Variants in UBE2QL1 observed in about 807,000 individuals in gnomAD.
UBE2QL1 encodes ubiquitin conjugating enzyme E2 QL1, also known as ubiquitin-conjugating enzyme E2Q-like protein 1.
A neutral mutation model predicts 12.6 loss-of-function variants in UBE2QL1; 5 were observed. The ratio of observed to expected loss-of-function variants is 0.40; its 90% CI spans 0.21 to 0.83. UBE2QL1 has a LOEUF of 0.83. Among genes scored for constraint, UBE2QL1 ranks in the 40% least tolerant of loss-of-function variants. The probability of loss-of-function intolerance (pLI) is 0.37; values close to 1 mark genes in which losing one functional copy is unlikely to be tolerated. For missense variants in UBE2QL1, 99 were observed against 222.6 expected (o/e 0.44, Z 3.53); for synonymous variants, 96 against 94.5 (o/e 1.02, Z -0.10).
chr5:6,489,163 G>A (rs1734519277), intron 1 of UBE2QL1, among the ~76,000 whole-genome samples: 1 of 152,140 alleles, frequency 6.6e-6, no homozygotes, highest in South Asian at 2.1e-4. Flanking sequence ...CGTGGCACAT[G>A]CCTGTAATCC....
chr5:6,460,098 G>A (rs1739619760), intron 1 of UBE2QL1, among the ~76,000 whole-genome samples: 1 of 152,138 alleles, frequency 6.6e-6, no homozygotes, highest in Non-Finnish European at 1.5e-5. Flanking sequence ...TGTTATTGGT[G>A]GGTGGGGCTG....
At chr5:6,483,526 A>G (rs899624501) in intron 1 of UBE2QL1, among the ~76,000 whole-genome samples, 7 of 151,976 alleles carry the variant, frequency 4.6e-5, no homozygotes, top group African/African-American at 1.2e-4. Flanking sequence ...CCTGCATGTC[A>G]GCAGGGCGCA....
At chr5:6,450,189 G>A (rs1185862863) in intron 1 of UBE2QL1, among the ~76,000 whole-genome samples, 11 of 148,772 alleles carry the variant, frequency 7.4e-5, no homozygotes, top group Admixed American at 1.4e-4. Context: ...CCAGGTCTTG[G>A]TCTCTTTCAG....
At chr5:6,462,448 T>C (rs984360110) in intron 1 of UBE2QL1, among the ~76,000 whole-genome samples, 1 of 152,146 alleles carries the variant, frequency 6.6e-6, no homozygotes, top group Admixed American at 6.5e-5. Context: ...AGTTCCTGTG[T>C]TCTCATGCTC....
chr5:6,485,809 GA>G (rs1221214931), intron 1 of UBE2QL1, among the ~76,000 whole-genome samples: 1 of 152,174 alleles, frequency 6.6e-6, no homozygotes, highest in Admixed American at 6.5e-5. Flanking sequence ...AGGAATGAGA[GA>G]AAAAGCTAAT....
At chr5:6,490,921 C>A (rs963902637) in intron 1 of UBE2QL1, among the ~76,000 whole-genome samples, 1 of 152,158 alleles carries the variant, frequency 6.6e-6, no homozygotes, top group Admixed American at 6.5e-5. Flanking sequence ...AGAGATTTCT[C>A]TGCAGCACTG....
At chr5:6,473,159 A>G (rs1007167830) in intron 1 of UBE2QL1, among the ~76,000 whole-genome samples, 1 of 152,218 alleles carries the variant, frequency 6.6e-6, no homozygotes, top group Non-Finnish European at 1.5e-5. Flanking sequence ...CCAACAGCCA[A>G]CAGACTACAA....
At position 6,491,941 on chromosome 5, in the gene UBE2QL1, GC is replaced by G. The variant is rs1734580273; in HGVS notation, c.*594del. ...CTCATGAAAACACAAATTTAACATTGCCAGGTTCTAGTGATTTAAAACCACA... is the reference window on the plus strand; with the variant it reads ...CTCATGAAAACACAAATTTAACATTGCAGGTTCTAGTGATTTAAAACCACA... On this transcript the variant is annotated 3_prime_UTR_variant, in exon 2 of 2. Coordinates refer to ENST00000399816, the MANE Select transcript of UBE2QL1 (RefSeq NM_001145161.3). 6.6e-6 allele frequency: 1 copy of G among 152,202 alleles called. No homozygotes were observed. The highest frequency in any genetic ancestry group is 6.5e-5 in the Admixed American group (1 of 15,278). The allele number at this position is 152,202 out of a possible 1,614,324, so 9.4% of individuals were successfully genotyped here.
intron 1 of UBE2QL1, among the ~76,000 whole-genome samples, chr5:6,470,293 C>A (rs1442734076): frequency 1.3e-5 from 2 of 152,148 alleles, no homozygotes; most frequent in Admixed American, 1.3e-4. Context: ...TATCATTTTA[C>A]AGTGCTTTGG....
At chr5:6,475,224 C>T (rs1734206429) in intron 1 of UBE2QL1, among the ~76,000 whole-genome samples, 1 of 152,156 alleles carries the variant, frequency 6.6e-6, no homozygotes, top group South Asian at 2.1e-4. Flanking sequence ...TAATAGCCAT[C>T]CTAGTTGCTT....
At chr5:6,455,114 A>G (rs1042365977) in intron 1 of UBE2QL1, among the ~76,000 whole-genome samples, 6 of 152,140 alleles carry the variant, frequency 3.9e-5, no homozygotes, top group Non-Finnish European at 8.8e-5. Context: ...GTATTTTTGT[A>G]TACTTTTCTG....
intron 1 of UBE2QL1, among the ~76,000 whole-genome samples, chr5:6,466,257 T>C (rs1739790372): frequency 6.6e-6 from 1 of 152,146 alleles, no homozygotes; most frequent in Non-Finnish European, 1.5e-5. Context: ...CAGGCAGCCA[T>C]CATGGGGAGC....
At chr5:6,483,333 G>A (rs1734401272) in intron 1 of UBE2QL1, among the ~76,000 whole-genome samples, 1 of 152,150 alleles carries the variant, frequency 6.6e-6, no homozygotes. Flanking sequence ...CAGCTACTTG[G>A]GAGGCTGAAG....
rs1390812311 is a variant in UBE2QL1, at chr5:6,492,529, A to G, written c.*1180A>G. ...TTTCTAATAATATGAGGAAAGAAGT[A>G]AAAATGTTCATTCCAAGTGGCAAGT... On this transcript the variant is annotated 3_prime_UTR_variant, in exon 2 of 2. Coordinates refer to ENST00000399816, the MANE Select transcript of UBE2QL1 (RefSeq NM_001145161.3). 6.6e-6 allele frequency: 1 copy of G among 152,260 alleles called. No homozygotes were observed. The allele number at this position is 152,260 out of a possible 1,614,324, so 9.4% of individuals were successfully genotyped here.
intron 1 of UBE2QL1, among the ~76,000 whole-genome samples, chr5:6,464,908 T>C (rs554049625): frequency 1.3e-5 from 2 of 152,284 alleles, no homozygotes; most frequent in Admixed American, 1.3e-4. Flanking sequence ...GGATTACCAA[T>C]AGCACCCTCA....
chr5:6,474,388 G>T (rs1304351722), intron 1 of UBE2QL1, among the ~76,000 whole-genome samples: 1 of 152,212 alleles, frequency 6.6e-6, no homozygotes, highest in African/African-American at 2.4e-5. Flanking sequence ...AGCCAGCAGG[G>T]TGCTGATATT....
intron 1 of UBE2QL1, among the ~76,000 whole-genome samples, chr5:6,483,635 C>T (rs2126368105): frequency 6.6e-6 from 1 of 152,310 alleles, no homozygotes; most frequent in Non-Finnish European, 1.5e-5. Context: ...GGCCTGGAAA[C>T]ATTCTCGCTA....
intron 1 of UBE2QL1, among the ~76,000 whole-genome samples, chr5:6,458,928 A>G (rs1219724292): frequency 2.6e-5 from 4 of 152,112 alleles, no homozygotes; most frequent in Non-Finnish European, 5.9e-5. Flanking sequence ...CCTCTCCTGC[A>G]GCGCACATGT....
At chr5:6,475,815 A>G (rs1188640345) in intron 1 of UBE2QL1, among the ~76,000 whole-genome samples, 1 of 152,078 alleles carries the variant, frequency 6.6e-6, no homozygotes, top group Non-Finnish European at 1.5e-5. Flanking sequence ...TCCAGCCTGC[A>G]GCTGGAGAGG....
Sources: allele counts gnomAD v4.1 joint callset (sites outside exome capture counted in the v4.1 genomes callset), GRCh38; gene constraint gnomAD v4.1.1; transcripts MANE v1.5; gene names NCBI Gene and HGNC (gene_info 2026-07-23, HGNC 2026-07-21).